The following IP6K1 variants were observed in gnomAD, a reference collection of about 807,000 sequenced individuals.
IP6K1 encodes ATP:1D-myo-inositol-hexakisphosphate phosphotransferase.
IP6K1 carries 13 observed loss-of-function variants against 38.3 expected under a neutral mutation model. That is an observed-to-expected ratio of 0.34 (90% CI 0.22 to 0.54). The LOEUF (loss-of-function observed/expected upper bound fraction) is 0.54. Among genes scored for constraint, IP6K1 ranks in the 20% least tolerant of loss-of-function variants. IP6K1 has a pLI of 0.92. For missense variants in IP6K1, 397 were observed against 599.8 expected (o/e 0.66, Z 3.53); for synonymous variants, 212 against 229.9 (o/e 0.92, Z 0.70).
At chr3:49,759,594 C>T (rs1323581368) in intron 1 of IP6K1, among the ~76,000 whole-genome samples, 1 of 152,142 alleles carries the variant, frequency 6.6e-6, no homozygotes, top group Non-Finnish European at 1.5e-5. Context: ...TCAGACACCA[C>T]ACATCCTGGA....
chr3:49,784,531 G>T (rs758642740), intron 1 of IP6K1, among the ~76,000 whole-genome samples: 1 of 151,994 alleles, frequency 6.6e-6, no homozygotes, highest in Non-Finnish European at 1.5e-5. Context: ...TGTAATCCCA[G>T]CTACTTGGGA....
intron 1 of IP6K1, among the ~76,000 whole-genome samples, chr3:49,771,617 TACA>T (rs2080960613): frequency 6.6e-6 from 1 of 152,190 alleles, no homozygotes; most frequent in South Asian, 2.1e-4. Context: ...GTAAAAATGG[TACA>T]ACCATTTTGG....
At chr3:49,782,158 G>A (rs2081071158) in intron 1 of IP6K1, among the ~76,000 whole-genome samples, 1 of 142,468 alleles carries the variant, frequency 7.0e-6, no homozygotes, top group African/African-American at 2.7e-5. Context: ...AAGAACAGTG[G>A]ATGGAAAGTC....
intron 1 of IP6K1, among the ~76,000 whole-genome samples, chr3:49,770,549 G>A (rs1157129791): frequency 6.6e-6 from 1 of 152,112 alleles, no homozygotes; most frequent in Non-Finnish European, 1.5e-5. Context: ...GGAGGCTGAA[G>A]TGGGAGAATG....
chr3:49,752,847 G>C (rs2080790323), intron 1 of IP6K1, among the ~76,000 whole-genome samples: 1 of 150,970 alleles, frequency 6.6e-6, no homozygotes, highest in Non-Finnish European at 1.5e-5. Context: ...TCCACCTCCT[G>C]GGTTCAAGCA....
chr3:49,748,050 G>A lies in IP6K1; in HGVS notation c.-10C>T. ...TTTGACAAACACACATTGCGTTGGG[G>A]GCCAGTTGCACACTGAGGGCAGAGG... On this transcript the variant is annotated 5_prime_UTR_variant, in exon 2 of 6. Transcript: ENST00000321599. The A allele has an allele frequency of 6.2e-7, 1 of 1,612,486 alleles. No individual in the cohort carries two copies. Among genetic ancestry groups the A allele is most frequent in the Non-Finnish European group, 8.5e-7 (1 of 1,179,968 alleles).
At position 49,727,370 on chromosome 3, in the gene IP6K1, G is replaced by A. The variant is rs1340228330; in HGVS notation, c.1078C>T (p.His360Tyr). The part of the protein sequence containing the change: ...LDRRSEMRLK[H>Y]LDMVLPEVAS... ...ACCTCAGGGAGCACCATGTCCAGGTGCTTGAGACGCATCTCAGACCGGCGG... is the reference window on the plus strand; with the variant it reads ...ACCTCAGGGAGCACCATGTCCAGGTACTTGAGACGCATCTCAGACCGGCGG... Residue 360 changes from histidine to tyrosine, a missense_variant, in exon 6 of 6, where the codon CAC (histidine) becomes TAC (tyrosine). This residue lies in a region of IP6K1 where 164 missense variants were observed against 213.5 expected (regional missense o/e 0.77). Transcript: ENST00000321599. This position sits in a 1 kb window ranked among gnomAD's most constrained non-coding sequence, Gnocchi z 5.9. 3 of 1,614,104 alleles carry A rather than the reference G, an allele frequency of 1.9e-6. No homozygotes were observed. The highest frequency in any genetic ancestry group is 2.5e-6 in the Non-Finnish European group (3 of 1,180,046).
intron 1 of IP6K1, among the ~76,000 whole-genome samples, chr3:49,770,677 TGA>T (rs2080949641): frequency 1.3e-5 from 2 of 152,134 alleles, no homozygotes; most frequent in African/African-American, 4.8e-5. Flanking sequence ...TTACACTACC[TGA>T]CTTCAAGCCT....
chr3:49,758,160 A>C (rs2080840374), intron 1 of IP6K1, among the ~76,000 whole-genome samples: 1 of 151,916 alleles, frequency 6.6e-6, no homozygotes, highest in African/African-American at 2.4e-5. Context: ...GTACAAAAAA[A>C]TTAGCCAGGC....
chr3:49,775,348 T>C (rs928888656), intron 1 of IP6K1: 11 of 320,968 alleles, frequency 3.4e-5, no homozygotes, highest in African/African-American at 1.9e-4. Flanking sequence ...CATTGGAAGA[T>C]TGTGTGAAAA....
Position 49,771,953 on chromosome 3 carries a change from C to T in IP6K1, c.-129+14401G>A, listed in dbSNP as rs796379341. On this transcript the variant is annotated intron_variant, in intron 1 of 5. Coordinates refer to ENST00000321599, the MANE Select transcript of IP6K1 (RefSeq NM_153273.4). ...GAGTGGCCAGGCGTGGTGGCTCACACCTGTAATCCCAACACTTTGCGAGGC... is the reference window on the plus strand; with the variant it reads ...GAGTGGCCAGGCGTGGTGGCTCACATCTGTAATCCCAACACTTTGCGAGGC... 2.6e-5 allele frequency among the ~76,000 whole-genome samples: 4 copies of T among 152,254 alleles called. No individual in the cohort carries two copies. In the East Asian group the frequency reaches 5.8e-4, roughly 22 times the overall value.
chr3:49,762,971 C>G (rs2080880010), intron 1 of IP6K1, among the ~76,000 whole-genome samples: 1 of 152,044 alleles, frequency 6.6e-6, no homozygotes, highest in South Asian at 2.1e-4. Flanking sequence ...GGGGTTTCAC[C>G]ACGTTGGCCA....
intron 1 of IP6K1, among the ~76,000 whole-genome samples, chr3:49,750,879 C>A (rs2080768643): frequency 6.6e-6 from 1 of 152,088 alleles, no homozygotes; most frequent in Non-Finnish European, 1.5e-5. Context: ...TTGAAATAGT[C>A]TCCTAAGAGT....
In IP6K1 at chr3:49,771,212, A is replaced by AC. The variant is rs1487887477; in HGVS notation, c.-129+15141dup. Among the ~76,000 whole-genome samples, 579 of 126,628 alleles carry AC rather than the reference A, an allele frequency of 4.6e-3. 14 individuals are homozygous for AC. Among genetic ancestry groups the AC allele is most frequent in the South Asian group, 7.6e-3 (29 of 3,828 alleles). The allele number at this position is 126,628 out of a possible 152,430, so 83.1% of individuals were successfully genotyped here. ...ACAAAAAAAAAAAAAAAAAAAAAAA[A>AC]CCCTGCCAGGCACAGTGGTGAACAC... On this transcript the variant is annotated intron_variant, in intron 1 of 5. Coordinates refer to ENST00000321599, the MANE Select transcript of IP6K1 (RefSeq NM_153273.4).
At chr3:49,736,499 C>T (rs1319414234) in intron 3 of IP6K1, among the ~76,000 whole-genome samples, 4 of 152,040 alleles carry the variant, frequency 2.6e-5, no homozygotes, top group Non-Finnish European at 5.9e-5. Context: ...TGGTTTCTTT[C>T]ATTTAACATA....
Position 49,726,862 on chromosome 3 carries a change from C to T in IP6K1, c.*260G>A. The T allele has an allele frequency of 2.2e-6, 1 of 462,762 alleles. No individual in the cohort carries two copies. Among genetic ancestry groups the T allele is most frequent in the Non-Finnish European group, 3.8e-6 (1 of 264,162 alleles). The allele number at this position is 462,762 out of a possible 1,614,324, so 28.7% of individuals were successfully genotyped here. ...TCCCTGCTGCCAAGCCCACCAGGGG[C>T]ACCTCTTCCTTCCTAAGGCAGCCTG... On this transcript the variant is annotated 3_prime_UTR_variant, in exon 6 of 6. Transcript: ENST00000321599.
chr3:49,740,230 T>C (rs2080654313), intron 2 of IP6K1, among the ~76,000 whole-genome samples: 1 of 9,642 alleles, frequency 1.0e-4, no homozygotes, highest in East Asian at 0.017. Context: ...TTGCAATTCT[T>C]TTTTTTTTTT....
rs1246979545 is a variant in IP6K1, at chr3:49,786,515, G to A, written c.-290C>T. 1 of 152,586 alleles carries A rather than the reference G, an allele frequency of 6.6e-6. No individual in the cohort carries two copies. Among genetic ancestry groups the A allele is most frequent in the Admixed American group, 6.5e-5 (1 of 15,298 alleles). The allele number at this position is 152,586 out of a possible 1,614,324, so 9.5% of individuals were successfully genotyped here. On this transcript the variant is annotated 5_prime_UTR_variant, in exon 1 of 6. Coordinates refer to ENST00000321599, the MANE Select transcript of IP6K1 (RefSeq NM_153273.4). ...GTCCAGCTCCCGGCGCTGCCCACTG[G>A]GTACGGATCAACAACAAGATGGCGG...
chr3:49,774,250 CA>C (rs1181027721), intron 1 of IP6K1, among the ~76,000 whole-genome samples: 8 of 150,386 alleles, frequency 5.3e-5, no homozygotes, highest in Non-Finnish European at 1.0e-4. Context: ...ACTAAAAATA[CA>C]AAAAAAATTA....
Sources: gnomAD v4.1 joint callset for allele counts (sites outside exome capture counted in the v4.1 genomes callset) on GRCh38, gnomAD v4.1.1 for gene constraint, gnomAD v4.1.1 regional missense constraint, Gnocchi (gnomAD v3.1) non-coding constraint, MANE v1.5 for transcripts, NCBI Gene and HGNC (gene_info 2026-07-23, HGNC 2026-07-21) for gene names.